Variants in ZFTRAF1 observed in about 807,000 individuals in gnomAD.
The protein encoded by ZFTRAF1 is zinc finger TRAF-type-containing protein 1.
At chr8:144,453,325 C>T in the ZFTRAF1 span, 4 of 1,551,210 alleles carry the variant, frequency 2.6e-6, no homozygotes, top group Non-Finnish European at 2.6e-6. Flanking sequence ...GCTTTCTCCA[C>T]GGCCAGGTTC....
At chr8:144,461,757 G>C in the ZFTRAF1 span, among the ~76,000 whole-genome samples, 2 of 152,182 alleles carry the variant, frequency 1.3e-5, no homozygotes, top group Non-Finnish European at 2.9e-5. Context: ...CAAGAGAAAG[G>C]ATTCTTCCAC....
chr8:144,459,325 CACCT>C, the ZFTRAF1 span, among the ~76,000 whole-genome samples: 1 of 152,276 alleles, frequency 6.6e-6, no homozygotes, highest in African/African-American at 2.4e-5. Context: ...TCCTGCCACC[CACCT>C]GAGACTCCAG....
the ZFTRAF1 span, chr8:144,452,575 G>C: frequency 2.0e-6 from 3 of 1,535,734 alleles, no homozygotes; most frequent in Non-Finnish European, 2.6e-6. Flanking sequence ...GTTACCCTGG[G>C]GGAGGCAGGT....
chr8:144,455,322 C>T, the ZFTRAF1 span: 1 of 152,136 alleles, frequency 6.6e-6, no homozygotes, highest in Non-Finnish European at 1.5e-5. Flanking sequence ...CTCATGAATA[C>T]ATAAATAAAT....
At chr8:144,460,856 C>A in the ZFTRAF1 span, among the ~76,000 whole-genome samples, 1 of 152,108 alleles carries the variant, frequency 6.6e-6, no homozygotes, top group African/African-American at 2.4e-5. Context: ...TTCACTCCAG[C>A]CTGGGTGACA....
At chr8:144,452,165 G>A in the ZFTRAF1 span, 3 of 702,756 alleles carry the variant, frequency 4.3e-6, no homozygotes, top group Non-Finnish European at 5.0e-6. Context: ...GGTCTGCCTC[G>A]GCCCCTCCTT....
the ZFTRAF1 span, chr8:144,451,272 C>T: frequency 6.2e-6 from 1 of 160,136 alleles, no homozygotes; most frequent in Admixed American, 5.7e-5. Flanking sequence ...AGCAGGCAGC[C>T]CTGCCTGCAC....
At chr8:144,459,296 A>C in the ZFTRAF1 span, among the ~76,000 whole-genome samples, 140,545 of 152,074 alleles carry the variant, frequency 0.92, 65,661 homozygotes, top group Non-Finnish European at 1. Flanking sequence ...CACAGGTGTA[A>C]CTGCTGCCCC....
chr8:144,458,040 C>T, the ZFTRAF1 span: 2 of 152,376 alleles, frequency 1.3e-5, no homozygotes, highest in Admixed American at 6.5e-5. Flanking sequence ...CAAGGCCTCA[C>T]CAGGGCCAGT....
At chr8:144,459,782 AAGTC>A in the ZFTRAF1 span, among the ~76,000 whole-genome samples, 3 of 152,194 alleles carry the variant, frequency 2.0e-5, no homozygotes, top group African/African-American at 7.2e-5. Flanking sequence ...GGGACTGTCT[AAGTC>A]AGCCCCCAGC....
At chr8:144,459,865 G>A in the ZFTRAF1 span, among the ~76,000 whole-genome samples, 6 of 152,204 alleles carry the variant, frequency 3.9e-5, no homozygotes, top group African/African-American at 7.2e-5. Flanking sequence ...AGGAACAGAG[G>A]GTGGAACCTG....
chr8:144,459,460 C>T, the ZFTRAF1 span, among the ~76,000 whole-genome samples: 76 of 152,390 alleles, frequency 5.0e-4, 1 homozygote, highest in African/African-American at 1.8e-3. Flanking sequence ...AGGCAGGACT[C>T]GGCGGTGGCG....
the ZFTRAF1 span, chr8:144,455,328 T>C: frequency 3.9e-5 from 6 of 152,194 alleles, no homozygotes; most frequent in South Asian, 2.1e-4. Context: ...AATACATAAA[T>C]AAATAAAAAT....
At chr8:144,455,222 G>C in the ZFTRAF1 span, 1 of 152,262 alleles carries the variant, frequency 6.6e-6, no homozygotes, top group African/African-American at 2.4e-5. Context: ...GGCTGAGGCA[G>C]GAGAATGGCT....
chr8:144,453,380 C>T, the ZFTRAF1 span: 43 of 1,551,178 alleles, frequency 2.8e-5, no homozygotes, highest in East Asian at 8.1e-4. Flanking sequence ...AATTGGGGCA[C>T]GTGGCCTGCT....
At chr8:144,450,816 C>A in the ZFTRAF1 span, 1 of 650,890 alleles carries the variant, frequency 1.5e-6, no homozygotes, top group Non-Finnish European at 2.9e-6. Flanking sequence ...TTAGTGTGGG[C>A]AGGGCTGGGC....
chr8:144,455,226 A>G, the ZFTRAF1 span: 2 of 152,192 alleles, frequency 1.3e-5, no homozygotes, highest in African/African-American at 4.8e-5. Flanking sequence ...GAGGCAGGAG[A>G]ATGGCTCGAA....
chr8:144,453,159 C>A, the ZFTRAF1 span: 1 of 1,441,932 alleles, frequency 6.9e-7, no homozygotes, highest in African/African-American at 1.4e-5. Context: ...CCTGCTGCAC[C>A]AGGGTGGGCT....
At chr8:144,461,085 G>A in the ZFTRAF1 span, among the ~76,000 whole-genome samples, 1 of 152,124 alleles carries the variant, frequency 6.6e-6, no homozygotes, top group African/African-American at 2.4e-5. Flanking sequence ...TAGAGCCAGT[G>A]CCCTCTCCCC....
Sources: allele counts gnomAD v4.1 joint callset (sites outside exome capture counted in the v4.1 genomes callset), GRCh38; gene constraint gnomAD v4.1.1; transcripts MANE v1.5; gene names NCBI Gene and HGNC (gene_info 2026-07-23, HGNC 2026-07-21).